The following NELL1 variants were observed in gnomAD, a reference collection of about 807,000 sequenced individuals.
The protein encoded by NELL1 is neural EGFL like 1.
Under a neutral mutation model 107.4 loss-of-function variants are expected in NELL1, and 76 were observed. The ratio of observed to expected loss-of-function variants is 0.71; its 90% CI spans 0.59 to 0.86. The LOEUF is 0.86. NELL1 is among the 40% of genes least tolerant of loss of function. The pLI, the probability that NELL1 is intolerant of heterozygous loss-of-function variation, is 0.00. For synonymous variants in NELL1, 353 were observed against 341.2 expected, an observed-to-expected ratio of 1.03 and a Z score of -0.38; for missense variants, 1,024 against 1,005.5, an observed-to-expected ratio of 1.02 and a Z score of -0.25.
chr11:21,315,883 TG>T (rs374087756), intron 14 of NELL1, among the ~76,000 whole-genome samples: 13 of 33,808 alleles, frequency 3.8e-4, no homozygotes, highest in African/African-American at 1.6e-3. Flanking sequence ...GTGGTGGTGG[TG>T]GTGTGAGTGT....
At chr11:20,799,502 A>G (rs1413148456) in intron 3 of NELL1, among the ~76,000 whole-genome samples, 1 of 152,210 alleles carries the variant, frequency 6.6e-6, no homozygotes, top group Non-Finnish European at 1.5e-5. Flanking sequence ...GAGCAAATGC[A>G]CACACTTTTT....
At chr11:21,273,815 G>T (rs1037055447) in intron 14 of NELL1, among the ~76,000 whole-genome samples, 2 of 152,114 alleles carry the variant, frequency 1.3e-5, no homozygotes, top group African/African-American at 4.8e-5. Context: ...CTTCATAAGT[G>T]AAGGAGAAAT....
At chr11:21,496,709 G>A (rs1232535886) in intron 15 of NELL1, among the ~76,000 whole-genome samples, 3 of 152,018 alleles carry the variant, frequency 2.0e-5, no homozygotes, top group African/African-American at 7.2e-5. Context: ...CGCCCAGCCT[G>A]TTCTTTTCTT....
intron 16 of NELL1, among the ~76,000 whole-genome samples, chr11:21,553,688 C>T (rs1443990183): frequency 6.6e-6 from 1 of 151,774 alleles, no homozygotes; most frequent in African/African-American, 2.4e-5. Flanking sequence ...AATGTTTATG[C>T]ATTTCTTATT....
intron 2 of NELL1, among the ~76,000 whole-genome samples, chr11:20,690,247 A>T (rs12789625): frequency 0.09 from 13,651 of 151,570 alleles, 808 homozygotes; most frequent in Non-Finnish European, 0.13. Context: ...GTTCACTCTG[A>T]TGGTAGTTTC....
chr11:20,871,710 G>A (rs1849201804), intron 4 of NELL1, among the ~76,000 whole-genome samples: 1 of 151,518 alleles, frequency 6.6e-6, no homozygotes, highest in African/African-American at 2.4e-5. Context: ...CTCTTACTTT[G>A]CCTCGGAGAT....
rs141962583 is a variant in NELL1 at position 20,958,932 on chromosome 11, C to T, written c.1172-1500C>T. Among the ~76,000 whole-genome samples the T allele has an allele frequency of 1.3e-3, 201 of 152,240 alleles. 1 individual carries two copies. Among genetic ancestry groups the T allele is most frequent in the African/African-American group, 4.4e-3 (182 of 41,524 alleles). ...TCGGTTCCAGACTATGGCCATTAAG[C>T]GAATATTGCAATAAATGAGTCACAC... On this transcript the variant is annotated intron_variant, in intron 11 of 19. Transcript: ENST00000357134.
At position 20,813,006 on chromosome 11, in the gene NELL1, C is replaced by CAAAAAAAAAA. The variant is rs869187456; in HGVS notation, c.335+29208_335+29217dup. Among the ~76,000 whole-genome samples the CAAAAAAAAAA allele has an allele frequency of 3.3e-4, 20 of 61,272 alleles. 4 individuals are homozygous for CAAAAAAAAAA. The highest frequency in any genetic ancestry group is 8.3e-4 in the African/African-American group (12 of 14,486). The allele number at this position is 61,272 out of a possible 152,430, so 40.2% of individuals were successfully genotyped here. On this transcript the variant is annotated intron_variant, in intron 3 of 19. Coordinates refer to ENST00000357134, the MANE Select transcript of NELL1 (RefSeq NM_006157.5). ...CCTGGGCGACAGCGAGACTCCGTCT[C>CAAAAAAAAAA]AAAAAAAAAAAAAAAAAAAAAAAAA... is the stretch of plus-strand genomic sequence containing the variant.
chr11:20,987,753 C>A (rs1590504507), intron 12 of NELL1, among the ~76,000 whole-genome samples: 2 of 152,086 alleles, frequency 1.3e-5, no homozygotes, highest in African/African-American at 4.8e-5. Context: ...CGTTGTACCT[C>A]ATTTTTTTTC....
chr11:21,575,175 T>C lies in NELL1; in HGVS notation c.*153T>C. The C allele has an allele frequency of 1.4e-6, 1 of 703,900 alleles. No individual in the cohort carries two copies. Among genetic ancestry groups the C allele is most frequent in the Middle Eastern group, 2.7e-4 (1 of 3,680 alleles). The allele number at this position is 703,900 out of a possible 1,614,324, so 43.6% of individuals were successfully genotyped here. A position where few individuals can be genotyped will look rare whatever the true frequency, so the allele number is the denominator to read the frequency against. ...TCCACCTGAGGACGGTGTTTGGAGG[T>C]TGCCTTTTGGACCTACCACTTTGCT... is the stretch of plus-strand genomic sequence containing the variant. On this transcript the variant is annotated 3_prime_UTR_variant, in exon 20 of 20. Transcript: ENST00000357134.
At chr11:20,797,164 G>A (rs565987266) in intron 3 of NELL1, among the ~76,000 whole-genome samples, 1 of 152,298 alleles carries the variant, frequency 6.6e-6, no homozygotes, top group South Asian at 2.1e-4. Context: ...CCATGGAAAG[G>A]ATATAAGCAC....
intron 13 of NELL1, among the ~76,000 whole-genome samples, chr11:21,210,849 C>T (rs1402865880): frequency 6.6e-6 from 1 of 152,130 alleles, no homozygotes; most frequent in Non-Finnish European, 1.5e-5. Flanking sequence ...TCCAGATCCC[C>T]AATTCAGTTA....
intron 14 of NELL1, among the ~76,000 whole-genome samples, chr11:21,285,615 T>C (rs1405237630): frequency 6.6e-6 from 1 of 152,200 alleles, no homozygotes; most frequent in Non-Finnish European, 1.5e-5. Flanking sequence ...GGAAAGGGGA[T>C]TCTTGAATTC....
At position 21,573,221 on chromosome 11, in the gene NELL1, A is replaced by C. The variant is rs1352681984; in HGVS notation, c.2194A>C (p.Asn732His). Residue 732 changes from asparagine (N) to histidine (H), a missense_variant, in exon 19 of 20, where the codon AAC becomes CAC. Coordinates refer to ENST00000357134, the MANE Select transcript of NELL1 (RefSeq NM_006157.5). ...AGATTGCTGGCCACTCACTTGCCCC[A>C]ACTTGAGCTGTGAGTATACAGCTAT... ...EVDCWPLTCP[N>H]LSCEYTAILE... 14 of 1,612,188 alleles carry C rather than the reference A, an allele frequency of 8.7e-6. No homozygotes were observed. The East Asian group carries it at 3.1e-4, about 36-fold the overall frequency.
At chr11:21,114,654 T>G (rs1425503357) in intron 13 of NELL1, among the ~76,000 whole-genome samples, 1 of 151,992 alleles carries the variant, frequency 6.6e-6, no homozygotes, top group Non-Finnish European at 1.5e-5. Flanking sequence ...GATGTCTATT[T>G]ATAAGTTACT....
chr11:21,379,227 G>C (rs1851553991), intron 15 of NELL1, among the ~76,000 whole-genome samples: 1 of 147,764 alleles, frequency 6.8e-6, no homozygotes, highest in Non-Finnish European at 1.5e-5. Context: ...CCAGTGATTT[G>C]TGAATCAGAC....
intron 15 of NELL1, among the ~76,000 whole-genome samples, chr11:21,466,739 G>A (rs1854042017): frequency 6.6e-6 from 1 of 151,966 alleles, no homozygotes; most frequent in South Asian, 2.1e-4. Flanking sequence ...ATGACAGCAG[G>A]AGAACCTCCC....
chr11:21,474,976 G>A (rs1425709468), intron 15 of NELL1, among the ~76,000 whole-genome samples: 1 of 152,060 alleles, frequency 6.6e-6, no homozygotes, highest in East Asian at 1.9e-4. Flanking sequence ...AGAACTGGAA[G>A]GCATCTTAGA....
intron 14 of NELL1, among the ~76,000 whole-genome samples, chr11:21,287,198 C>A (rs921813818): frequency 6.6e-6 from 1 of 152,150 alleles, no homozygotes; most frequent in Non-Finnish European, 1.5e-5. Flanking sequence ...CTTATTCTAG[C>A]TCCTTTTTAT....
Sources: allele counts gnomAD v4.1 joint callset (sites outside exome capture counted in the v4.1 genomes callset), GRCh38; gene constraint gnomAD v4.1.1; transcripts MANE v1.5; gene names NCBI Gene and HGNC (gene_info 2026-07-23, HGNC 2026-07-21).